The following CTNNA2 variants were observed in gnomAD, a reference collection of about 807,000 sequenced individuals.
The protein encoded by CTNNA2 is catenin alpha 2.
In CTNNA2, 42 loss-of-function variants were observed where a neutral mutation model predicts 101.0. The ratio of observed to expected loss-of-function variants is 0.42; its 90% CI spans 0.32 to 0.54. CTNNA2 has a LOEUF of 0.54. Ranked by LOEUF, CTNNA2 falls within the 20% of genes least tolerant of loss-of-function variation. The pLI is 0.14. For missense variants in CTNNA2, 871 were observed against 1,223.1 expected, an observed-to-expected ratio of 0.71 and a Z score of 4.29; for synonymous variants, 450 against 456.4, an observed-to-expected ratio of 0.99 and a Z score of 0.18.
At chr2:80,272,082 C>A (rs1483863617) in intron 7 of CTNNA2, among the ~76,000 whole-genome samples, 2 of 152,208 alleles carry the variant, frequency 1.3e-5, no homozygotes, top group African/African-American at 4.8e-5. Context: ...TAGTATGTGG[C>A]TGTATAATTA....
intron 2 of CTNNA2, among the ~76,000 whole-genome samples, chr2:79,289,926 C>A (rs894141350): frequency 2.6e-5 from 4 of 152,042 alleles, no homozygotes; most frequent in South Asian, 2.1e-4. Context: ...GAACTTTGGC[C>A]CAGATAATCA....
intron 3 of CTNNA2, among the ~76,000 whole-genome samples, chr2:79,749,829 C>A (rs184774547): frequency 6.6e-6 from 1 of 152,214 alleles, no homozygotes; most frequent in Admixed American, 6.5e-5. Flanking sequence ...ATTAAAAAAA[C>A]GCTAAATGTT....
chr2:79,867,333 T>TTCTC (rs1553387554), intron 4 of CTNNA2, among the ~76,000 whole-genome samples: 1 of 150,794 alleles, frequency 6.6e-6, no homozygotes, highest in African/African-American at 2.5e-5. Context: ...CCCTTCAATA[T>TTCTC]TCTATCTATC....
intron 7 of CTNNA2, among the ~76,000 whole-genome samples, chr2:79,946,630 G>C (rs1688510987): frequency 6.6e-6 from 1 of 152,142 alleles, no homozygotes; most frequent in African/African-American, 2.4e-5. Flanking sequence ...TTTCCTTTCA[G>C]AGAGGAAATC....
At chr2:79,691,374 T>C (rs940856057) in intron 2 of CTNNA2, among the ~76,000 whole-genome samples, 8 of 151,978 alleles carry the variant, frequency 5.3e-5, no homozygotes, top group Non-Finnish European at 8.8e-5. Context: ...GTGGATACCA[T>C]AGAGATTATC....
At chr2:79,307,252 T>C (rs1676268264) in intron 2 of CTNNA2, among the ~76,000 whole-genome samples, 2 of 152,162 alleles carry the variant, frequency 1.3e-5, no homozygotes, top group Non-Finnish European at 1.5e-5. Flanking sequence ...ATGTTCGACA[T>C]CCTCCTTCTA....
intron 7 of CTNNA2, among the ~76,000 whole-genome samples, chr2:80,224,809 A>C (rs1005611792): frequency 3.9e-5 from 6 of 152,110 alleles, no homozygotes; most frequent in Middle Eastern, 3.4e-3. Flanking sequence ...GGCCCTCTTC[A>C]GTCAATTGAT....
chr2:79,783,081 C>G (rs1401816974), intron 3 of CTNNA2, among the ~76,000 whole-genome samples: 2 of 151,680 alleles, frequency 1.3e-5, no homozygotes, highest in Non-Finnish European at 1.5e-5. Flanking sequence ...CAAGAGTTGT[C>G]TCTTGAATAT....
intron 4 of CTNNA2, chr2:79,497,966 T>C (rs1418330292): frequency 6.6e-6 from 1 of 152,200 alleles, no homozygotes; most frequent in Non-Finnish European, 1.5e-5. Context: ...ACAGTTCTAT[T>C]TTTGTTGTTT....
In CTNNA2 at chr2:80,166,930, G is replaced by A. The variant is rs183624917; in HGVS notation, c.1057-226281G>A. Among the ~76,000 whole-genome samples, 238 of 151,916 alleles carry A rather than the reference G, an allele frequency of 1.6e-3. 3 individuals carry two copies. Among genetic ancestry groups the A allele is most frequent in the Non-Finnish European group, 3.8e-4 (26 of 67,926 alleles). On this transcript the variant is annotated intron_variant, in intron 7 of 18. Transcript: ENST00000402739. ...TTGGGTCTTTTTTTTTGTCTGTGCC[G>A]TCAGCTTCAAGTGTAAGATATTACA...
chr2:80,144,222 A>G (rs1703189345), intron 7 of CTNNA2, among the ~76,000 whole-genome samples: 1 of 152,138 alleles, frequency 6.6e-6, no homozygotes, highest in Non-Finnish European at 1.5e-5. Context: ...CCACATAGAA[A>G]ATGAAAATTT....
chr2:79,594,808 A>C (rs1403320692), intron 1 of CTNNA2, among the ~76,000 whole-genome samples: 6 of 152,120 alleles, frequency 3.9e-5, no homozygotes, highest in Admixed American at 6.5e-5. Flanking sequence ...AGCATACTAA[A>C]ATTTCTTCCA....
intron 6 of CTNNA2, among the ~76,000 whole-genome samples, chr2:79,888,433 G>A (rs1684056526): frequency 6.6e-6 from 1 of 151,908 alleles, no homozygotes; most frequent in South Asian, 2.1e-4. Flanking sequence ...TCTTTCCTAA[G>A]GTTTTATAAA....
chr2:79,977,210 A>G (rs1022053685), intron 7 of CTNNA2, among the ~76,000 whole-genome samples: 5 of 132,658 alleles, frequency 3.8e-5, no homozygotes, highest in African/African-American at 1.2e-4. Context: ...ACACGTGCAC[A>G]TGCATATGCA....
chr2:79,620,478 T>C (rs530888129), intron 1 of CTNNA2, among the ~76,000 whole-genome samples: 2 of 152,334 alleles, frequency 1.3e-5, no homozygotes, highest in South Asian at 4.1e-4. Flanking sequence ...ATATGTGTCT[T>C]TCACCTTCAG....
intron 1 of CTNNA2, among the ~76,000 whole-genome samples, chr2:79,526,674 A>G (rs981598692): frequency 6.6e-6 from 1 of 152,094 alleles, no homozygotes; most frequent in East Asian, 1.9e-4. Flanking sequence ...AAACCCATAT[A>G]TTTATGGTTA....
intron 2 of CTNNA2, among the ~76,000 whole-genome samples, chr2:79,224,995 A>G (rs567315489): frequency 2.0e-5 from 3 of 151,950 alleles, no homozygotes; most frequent in Non-Finnish European, 4.4e-5. Flanking sequence ...ACAGTCTACA[A>G]ATATACTCCA....
At chr2:80,491,352 G>A (rs1455041745) in intron 9 of CTNNA2, among the ~76,000 whole-genome samples, 1 of 152,176 alleles carries the variant, frequency 6.6e-6, no homozygotes, top group Non-Finnish European at 1.5e-5. Context: ...GCCCAAGGTG[G>A]GAGAACGGCA....
At chr2:79,586,824 C>T (rs1223407279) in intron 1 of CTNNA2, among the ~76,000 whole-genome samples, 6 of 152,046 alleles carry the variant, frequency 3.9e-5, no homozygotes, top group Non-Finnish European at 8.8e-5. Flanking sequence ...TCACCACCCC[C>T]ACCCTTCCTT....
Sources: gnomAD v4.1 joint callset for allele counts (sites outside exome capture counted in the v4.1 genomes callset) on GRCh38, gnomAD v4.1.1 for gene constraint, MANE v1.5 for transcripts, NCBI Gene and HGNC (gene_info 2026-07-23, HGNC 2026-07-21) for gene names.